Variants in ZDHHC11B observed in about 807,000 individuals in gnomAD.
The protein encoded by ZDHHC11B is probable palmitoyltransferase ZDHHC11B.
A neutral mutation model predicts 42.3 loss-of-function variants in ZDHHC11B; 17 were observed. The observed-to-expected ratio is 0.40, with a 90% CI of 0.27 to 0.60. The LOEUF (loss-of-function observed/expected upper bound fraction) is 0.60, where lower values mean the gene tolerates loss of function less well. Ranked by LOEUF, ZDHHC11B falls within the 20% of genes least tolerant of loss-of-function variation. The pLI is 0.41. For synonymous variants in ZDHHC11B, 123 were observed against 193.5 expected (o/e 0.64, Z 3.02); for missense variants, 262 against 463.2 (o/e 0.57, Z 3.99).
chr5:754,014 A>G (rs1424487368), intron 6 of ZDHHC11B, among the ~76,000 whole-genome samples: 1 of 139,202 alleles, frequency 7.2e-6, no homozygotes, highest in Non-Finnish European at 1.6e-5. Context: ...CACTGTGCTC[A>G]GGGGAAACAC....
chr5:712,855 G>C (rs1439177310), intron 13 of ZDHHC11B, among the ~76,000 whole-genome samples: 1 of 151,556 alleles, frequency 6.6e-6, no homozygotes, highest in Non-Finnish European at 1.5e-5. Context: ...TTTGCAGTGA[G>C]CCAAGATTGG....
intron 10 of ZDHHC11B, 122 bp from the exon 11 acceptor site, chr5:733,961 C>T: frequency 3.5e-6 from 3 of 860,138 alleles, no homozygotes; most frequent in Non-Finnish European, 5.5e-6. Flanking sequence ...GTCTCAAAAA[C>T]TTGTAGACCA....
chr5:777,870 G>A (rs1387352911), intron 1 of ZDHHC11B, among the ~76,000 whole-genome samples: 1 of 151,810 alleles, frequency 6.6e-6, no homozygotes, highest in African/African-American at 2.4e-5. Context: ...GGCGGGGGCG[G>A]CGCCCTTCCG....
intron 7 of ZDHHC11B, among the ~76,000 whole-genome samples, chr5:750,271 G>T (rs1333840209): frequency 2.3e-5 from 3 of 129,636 alleles, no homozygotes; most frequent in Non-Finnish European, 3.4e-5. Context: ...CTTGCAGTCT[G>T]AGGCAGGCAG....
chr5:776,970 A>G (rs1277256862), intron 1 of ZDHHC11B, among the ~76,000 whole-genome samples: 1 of 151,892 alleles, frequency 6.6e-6, no homozygotes, highest in African/African-American at 2.4e-5. Flanking sequence ...AGAGCTCCCA[A>G]TCAGAACAAA....
intron 3 of ZDHHC11B, 82 bp from the exon 4 acceptor site, chr5:767,001 A>G (rs1735521522): frequency 6.7e-7 from 1 of 1,488,108 alleles, no homozygotes; most frequent in South Asian, 1.2e-5. Flanking sequence ...GACCACGGGG[A>G]CTGGGAACAT....
intron 12 of ZDHHC11B, among the ~76,000 whole-genome samples, chr5:728,847 C>A (rs1742788297): frequency 6.6e-6 from 1 of 151,772 alleles, no homozygotes; most frequent in Admixed American, 6.6e-5. Context: ...CATGGTGACA[C>A]CCCATCTCTA....
intron 1 of ZDHHC11B, among the ~76,000 whole-genome samples, chr5:775,986 T>C (rs1736444373): frequency 6.8e-6 from 1 of 146,988 alleles, no homozygotes; most frequent in African/African-American, 2.6e-5. Context: ...CCTGGTCCTC[T>C]CTCCATGGGC....
chr5:784,507 C>G (rs1206141113), intron 1 of ZDHHC11B, among the ~76,000 whole-genome samples, 161 bp downstream of exon 1: 1 of 152,256 alleles, frequency 6.6e-6, no homozygotes, highest in Non-Finnish European at 1.5e-5. Flanking sequence ...CATCCCAATC[C>G]GGGGGCTCAG....
chr5:762,045 C>T (rs1163950714), intron 4 of ZDHHC11B, among the ~76,000 whole-genome samples: 2 of 150,448 alleles, frequency 1.3e-5, no homozygotes, highest in African/African-American at 4.9e-5. Context: ...CCACTCACAG[C>T]CCTGGATGCC....
intron 12 of ZDHHC11B, among the ~76,000 whole-genome samples, chr5:726,927 T>TA (rs1482524623): frequency 8.0e-6 from 1 of 125,244 alleles, no homozygotes; most frequent in Non-Finnish European, 1.7e-5. Context: ...TACCTAATAA[T>TA]AGAACCATAG....
At chr5:769,536 G>A (rs1303219064) in intron 1 of ZDHHC11B, among the ~76,000 whole-genome samples, 3 of 151,840 alleles carry the variant, frequency 2.0e-5, no homozygotes, top group Non-Finnish European at 4.4e-5. Context: ...CCACCAGCAG[G>A]CATGCGGGTG....
chr5:714,011 C>T (rs1485426884), intron 13 of ZDHHC11B, among the ~76,000 whole-genome samples: 5 of 140,536 alleles, frequency 3.6e-5, no homozygotes, highest in African/African-American at 1.3e-4. Context: ...CTTTGGGTTC[C>T]TCTGTGCCTT....
chr5:778,093 A>G (rs1274803236), intron 1 of ZDHHC11B, among the ~76,000 whole-genome samples: 1 of 151,944 alleles, frequency 6.6e-6, no homozygotes, highest in Non-Finnish European at 1.5e-5. Flanking sequence ...CAGACTCTGC[A>G]AAGGACGCTG....
intron 1 of ZDHHC11B, among the ~76,000 whole-genome samples, chr5:771,634 G>A (rs1208888339): frequency 4.6e-5 from 7 of 151,894 alleles, no homozygotes; most frequent in Admixed American, 4.6e-4. Flanking sequence ...GCTTCTCACA[G>A]GCCTGGCCTG....
intron 4 of ZDHHC11B, among the ~76,000 whole-genome samples, chr5:765,720 T>C (rs1205260931): frequency 3.3e-5 from 5 of 152,018 alleles, no homozygotes; most frequent in East Asian, 1.9e-4. Flanking sequence ...GCAGTGAAGG[T>C]CTGCAGCTTC....
Position 736,331 on chromosome 5 carries a change from C to A in ZDHHC11B, c.936-2492G>T, listed in dbSNP as rs145664065. ...CCCCAAATTTATAAAACAATTCTTA[C>A]AGGACATAAGAAATGAGACTGATGA... On this transcript the variant is annotated intron_variant, in intron 10 of 13. Transcript: ENST00000508859. 2.0e-5 allele frequency among the ~76,000 whole-genome samples: 3 copies of A among 149,916 alleles called. 1 individual carries two copies. The highest frequency in any genetic ancestry group is 4.4e-5 in the Non-Finnish European group (3 of 67,732).
Position 780,582 on chromosome 5 carries a change from C to T in ZDHHC11B, c.-230+4086G>A, listed in dbSNP as rs924311002. Among the ~76,000 whole-genome samples, 25 of 135,864 alleles carry T rather than the reference C, an allele frequency of 1.8e-4. 5 individuals carry two copies. The highest frequency in any genetic ancestry group is 5.4e-4 in the African/African-American group (16 of 29,370). 89.1% of individuals were successfully genotyped at this position (135,864 alleles called of 152,430 possible). ...ATTGCAGCTTCGACGGGAAAACGGACGGTAAGACCCCATCCCACTCCCGGA... is the reference window on the plus strand; with the variant it reads ...ATTGCAGCTTCGACGGGAAAACGGATGGTAAGACCCCATCCCACTCCCGGA... On this transcript the variant is annotated intron_variant, in intron 1 of 13. Transcript: ENST00000508859.
chr5:764,354 G>A (rs1278980067), intron 4 of ZDHHC11B, among the ~76,000 whole-genome samples: 4 of 149,856 alleles, frequency 2.7e-5, no homozygotes, highest in Admixed American at 2.0e-4. Flanking sequence ...CGAGGCCAGA[G>A]CCGGCTCCCT....
Sources: allele counts gnomAD v4.1 joint callset (sites outside exome capture counted in the v4.1 genomes callset), GRCh38; gene constraint gnomAD v4.1.1; transcripts MANE v1.5; gene names NCBI Gene and HGNC (gene_info 2026-07-23, HGNC 2026-07-21).